SCAF4: variants seen among roughly 807,000 people sequenced by gnomAD.
The protein encoded by SCAF4 is SR-related and CTD-associated factor 4.
SCAF4 carries 25 observed loss-of-function variants against 129.8 expected under a neutral mutation model. That is an observed-to-expected ratio of 0.19 (90% CI 0.14 to 0.27). The LOEUF is 0.27. Among genes scored for constraint, SCAF4 ranks in the 10% least tolerant of loss-of-function variants. The pLI is 1.00. For missense variants in SCAF4, 1,246 were observed against 1,457.1 expected, an observed-to-expected ratio of 0.86 and a Z score of 2.36; for synonymous variants, 551 against 497.7, an observed-to-expected ratio of 1.11 and a Z score of -1.43.
intron 19 of SCAF4, among the ~76,000 whole-genome samples, chr21:31,673,921 A>C (rs202448): frequency 0.98 from 149,050 of 152,348 alleles, 72,928 homozygotes; most frequent in East Asian, 1. Flanking sequence ...GTCAGCATAG[A>C]ACATTCTGGT....
chr21:31,710,219 G>A (rs552294892), intron 1 of SCAF4, among the ~76,000 whole-genome samples: 55 of 152,172 alleles, frequency 3.6e-4, no homozygotes, highest in African/African-American at 1.3e-3. Flanking sequence ...CTATGAGGAT[G>A]GATTAGAAGG....
rs2051381736 is a variant in SCAF4 at position 31,732,100 on chromosome 21, A to G, written c.-408T>C. The G allele has an allele frequency of 2.5e-6, 1 of 404,616 alleles. No individual in the cohort carries two copies. Among genetic ancestry groups the G allele is most frequent in the South Asian group, 1.0e-4 (1 of 9,904 alleles). 25.1% of individuals were successfully genotyped at this position (404,616 alleles called of 1,614,324 possible). ...GGGATGGCGGCAGCGGCCCGAGTCC[A>G]CGCCGCGCGGGGCACCCTGGGACGG... On this transcript the variant is annotated 5_prime_UTR_variant, in exon 1 of 20. Transcript: ENST00000286835.
chr21:31,719,852 G>A (rs943701106), intron 1 of SCAF4, among the ~76,000 whole-genome samples: 4 of 152,156 alleles, frequency 2.6e-5, no homozygotes, highest in Admixed American at 2.6e-4. Context: ...CAAGGGTCTA[G>A]CCTTCACTCA....
intron 19 of SCAF4, among the ~76,000 whole-genome samples, chr21:31,673,942 A>C (rs918676550): frequency 6.6e-6 from 1 of 152,264 alleles, no homozygotes; most frequent in African/African-American, 2.4e-5. Context: ...GCCTATCTAT[A>C]GGTTCAAGTG....
chr21:31,732,088 C>T lies in SCAF4; in HGVS notation c.-396G>A, dbSNP rs897883145. On this transcript the variant is annotated 5_prime_UTR_variant, in exon 1 of 20. Transcript: ENST00000286835. ...CCTCTCTCCAGCGGGATGGCGGCAG[C>T]GGCCCGAGTCCACGCCGCGCGGGGC... The T allele has an allele frequency of 2.0e-5, 8 of 408,116 alleles. No homozygotes were observed. The highest frequency in any genetic ancestry group is 4.5e-5 in the Admixed American group (1 of 22,462). The allele number at this position is 408,116 out of a possible 1,614,324, so 25.3% of individuals were successfully genotyped here.
chr21:31,727,985 C>A (rs1301106280), intron 1 of SCAF4, among the ~76,000 whole-genome samples: 1 of 152,098 alleles, frequency 6.6e-6, no homozygotes, highest in Non-Finnish European at 1.5e-5. Flanking sequence ...TCCAAATATT[C>A]TGTTAAATGG....
At chr21:31,703,718 T>C in intron 4 of SCAF4, 47 bp downstream of exon 4, 1 of 1,031,266 alleles carries the variant, frequency 9.7e-7, no homozygotes, top group Non-Finnish European at 1.4e-6. Flanking sequence ...ACATTTAAAA[T>C]AATATTTTTT....
At chr21:31,729,214 T>C (rs763605510) in intron 1 of SCAF4, among the ~76,000 whole-genome samples, 4 of 152,240 alleles carry the variant, frequency 2.6e-5, no homozygotes, top group Non-Finnish European at 4.4e-5. Context: ...CAAACTACTT[T>C]ACCATCCTTA....
intron 7 of SCAF4, among the ~76,000 whole-genome samples, chr21:31,700,491 G>A (rs1240631890): frequency 2.0e-5 from 3 of 151,904 alleles, no homozygotes; most frequent in Non-Finnish European, 4.4e-5. Flanking sequence ...TGCCCATGTA[G>A]TGGAATACTA....
intron 1 of SCAF4, among the ~76,000 whole-genome samples, chr21:31,725,284 A>G (rs556451575): frequency 1.3e-5 from 2 of 152,184 alleles, no homozygotes; most frequent in Non-Finnish European, 2.9e-5. Context: ...AAAATACTTA[A>G]TAAGGCATCC....
At chr21:31,680,743 T>C (rs1224216664) in intron 19 of SCAF4, among the ~76,000 whole-genome samples, 1 of 152,236 alleles carries the variant, frequency 6.6e-6, no homozygotes, top group Non-Finnish European at 1.5e-5. Flanking sequence ...ACTAGTAGAC[T>C]GGTGCTTTAA....
chr21:31,687,098 AG>A (rs2050144255), intron 16 of SCAF4, among the ~76,000 whole-genome samples: 1 of 152,196 alleles, frequency 6.6e-6, no homozygotes. Flanking sequence ...CAAAGCATAC[AG>A]TTTTCCCCTC....
At chr21:31,719,677 T>C (rs899783808) in intron 1 of SCAF4, among the ~76,000 whole-genome samples, 23 of 152,098 alleles carry the variant, frequency 1.5e-4, no homozygotes, top group African/African-American at 5.3e-4. Flanking sequence ...GCTAATTTTG[T>C]ATTTTTAGTA....
Position 31,701,182 on chromosome 21 carries a change from G to A in SCAF4, c.601-11C>T. 6.5e-7 allele frequency: 1 copy of A among 1,533,712 alleles called. No homozygotes were observed. The highest frequency in any genetic ancestry group is 2.3e-5 in the East Asian group (1 of 43,696). On this transcript the variant is annotated splice_polypyrimidine_tract_variant and intron_variant, in intron 6 of 19. Transcript: ENST00000286835. ...AAGGATCTGCTGAAGCTTAAAGAAT[G>A]GGAAAACCAATAAATCACAGAACAA...
At chr21:31,712,836 TC>T (rs1355856564) in intron 1 of SCAF4, 2 of 944,934 alleles carry the variant, frequency 2.1e-6, no homozygotes, top group East Asian at 2.3e-4. Context: ...GGCCTGATTC[TC>T]CCATTTTTAA....
Position 31,688,400 on chromosome 21 carries a change from T to C in SCAF4, c.1950A>G (p.Ser650=). 1.9e-6 allele frequency: 3 copies of C among 1,614,024 alleles called. No individual in the cohort carries two copies. Among genetic ancestry groups the C allele is most frequent in the Non-Finnish European group, 2.5e-6 (3 of 1,179,942 alleles). The change falls in exon 16 of 20, where the codon TCA becomes TCG. Residue 650 remains serine, a synonymous_variant. Transcript: ENST00000286835. Reference sequence around the variant, plus strand: ...GTATGGGTGATACTGGTTCTGTGTGTGAGGTTTCAGCACCTCCATTTTGAG... The same window carrying C: ...GTATGGGTGATACTGGTTCTGTGTGCGAGGTTTCAGCACCTCCATTTTGAG... ...EVAQNGGAET[S]HTEPVSPIPK...
In SCAF4 at chr21:31,697,042, T is replaced by G. The variant is rs142627792; in HGVS notation, c.778-292A>C. Among the ~76,000 whole-genome samples, 933 of 152,276 alleles carry G rather than the reference T, an allele frequency of 6.1e-3. 15 individuals are homozygous for G. The highest frequency in any genetic ancestry group is 0.02 in the African/African-American group (831 of 41,526). On this transcript the variant is annotated intron_variant, in intron 7 of 19. Transcript: ENST00000286835. ...CACAAGTAATTTAGCAGCATACATGTTTTTCTAAAATACTCATTTCCCTAG... is the reference window on the plus strand; with the variant it reads ...CACAAGTAATTTAGCAGCATACATGGTTTTCTAAAATACTCATTTCCCTAG...
rs569845574 is a variant in SCAF4 at position 31,697,060 on chromosome 21, T to A, written c.778-310A>T. Among the ~76,000 whole-genome samples the A allele has an allele frequency of 5.9e-5, 9 of 152,286 alleles. No individual in the cohort carries two copies. In the South Asian group the frequency reaches 1.9e-3, roughly 32 times the overall value. On this transcript the variant is annotated intron_variant, in intron 7 of 19. Coordinates refer to ENST00000286835, the MANE Select transcript of SCAF4 (RefSeq NM_020706.2). ...ATACATGTTTTTCTAAAATACTCAT[T>A]TCCCTAGCCTAAAAATGTCTGGAAC...
intron 19 of SCAF4, among the ~76,000 whole-genome samples, chr21:31,674,825 A>C (rs1358213782): frequency 6.6e-6 from 1 of 152,058 alleles, no homozygotes; most frequent in East Asian, 1.9e-4. Flanking sequence ...ATTATGTATT[A>C]AATATCTGAA....
Sources: allele counts gnomAD v4.1 joint callset (sites outside exome capture counted in the v4.1 genomes callset), GRCh38; gene constraint gnomAD v4.1.1; transcripts MANE v1.5; gene names NCBI Gene and HGNC (gene_info 2026-07-23, HGNC 2026-07-21).